MCTP1: variants seen among roughly 807,000 people sequenced by gnomAD.
The protein encoded by MCTP1 is multiple C2 and transmembrane domain containing 1.
In MCTP1, 69 loss-of-function variants were observed where a neutral mutation model predicts 120.6. The observed-to-expected ratio is 0.57, with a 90% CI of 0.47 to 0.70. The LOEUF (loss-of-function observed/expected upper bound fraction) is 0.70, where lower values mean the gene tolerates loss of function less well. MCTP1 is among the 30% of genes least tolerant of loss of function. The pLI is 0.00. For synonymous variants in MCTP1, 529 were observed against 493.1 expected (o/e 1.07, Z -0.96); for missense variants, 1,203 against 1,248.8 (o/e 0.96, Z 0.55).
chr5:94,808,604 A>G (rs1782825440), intron 17 of MCTP1, among the ~76,000 whole-genome samples: 2 of 152,136 alleles, frequency 1.3e-5, no homozygotes, highest in African/African-American at 4.8e-5. Context: ...CCAAACTGAC[A>G]AGACTTGATC....
chr5:94,977,268 G>T (rs1828326301), intron 2 of MCTP1, among the ~76,000 whole-genome samples: 1 of 151,770 alleles, frequency 6.6e-6, no homozygotes, highest in South Asian at 2.1e-4. Flanking sequence ...CAACTAAGAA[G>T]GTAAAAGACT....
intron 3 of MCTP1, among the ~76,000 whole-genome samples, chr5:94,950,746 G>T (rs1173416223): frequency 1.3e-5 from 2 of 151,992 alleles, no homozygotes; most frequent in African/African-American, 4.8e-5. Flanking sequence ...GAGATCAGGA[G>T]ATCGAGACCA....
chr5:95,193,372 C>G (rs1013074624), intron 1 of MCTP1, among the ~76,000 whole-genome samples: 1 of 152,056 alleles, frequency 6.6e-6, no homozygotes. Context: ...TTTCTATTTA[C>G]AACATACTTT....
chr5:95,132,091 C>G (rs1181752183), intron 1 of MCTP1, among the ~76,000 whole-genome samples: 2 of 152,116 alleles, frequency 1.3e-5, no homozygotes, highest in African/African-American at 2.4e-5. Flanking sequence ...TGGCTTTTAG[C>G]TCTTTTCTCA....
At chr5:95,030,477 G>A (rs141324239) in intron 1 of MCTP1, among the ~76,000 whole-genome samples, 1 of 152,280 alleles carries the variant, frequency 6.6e-6, no homozygotes, top group Non-Finnish European at 1.5e-5. Flanking sequence ...CCCACAGGAG[G>A]TCATATGTTG....
chr5:95,080,645 T>G (rs1180816475), intron 1 of MCTP1, among the ~76,000 whole-genome samples: 1 of 152,182 alleles, frequency 6.6e-6, no homozygotes, highest in Non-Finnish European at 1.5e-5. Context: ...AAACACTGAT[T>G]TGATGTTATT....
chr5:95,072,763 T>TTTGG (rs1240813818), intron 1 of MCTP1, among the ~76,000 whole-genome samples: 1 of 147,916 alleles, frequency 6.8e-6, no homozygotes, highest in African/African-American at 2.5e-5. Context: ...TTTTTTTTTT[T>TTTGG]GAGATGGAGT....
At position 95,284,715 on chromosome 5, in the gene MCTP1, C is replaced by G; in HGVS notation, c.-140G>C. ...GCGGCGGCGGGCGCAGCAGCAGAAA[C>G]CGGGAGTGCCCAGCGACTTCAGGCC... On this transcript the variant is annotated 5_prime_UTR_variant, in exon 1 of 23. Coordinates refer to ENST00000515393, the MANE Select transcript of MCTP1 (RefSeq NM_024717.7). The surrounding 1 kb of genome is among the most constrained non-coding windows in gnomAD (Gnocchi z 5.2). The G allele has an allele frequency of 1.5e-6, 1 of 665,800 alleles. No homozygotes were observed. Among genetic ancestry groups the G allele is most frequent in the Non-Finnish European group, 2.3e-6 (1 of 431,620 alleles). 41.2% of individuals were successfully genotyped at this position (665,800 alleles called of 1,614,324 possible).
rs141206264 is a variant in MCTP1 at position 94,857,452 on chromosome 5, T to G, written c.2436+10881A>C. ...AACAGAACCCAAGTCTTATTAAATA[T>G]GCCTTCAGTGCCTTTGGAGAGCCAT... On this transcript the variant is annotated intron_variant, in intron 17 of 22. Transcript: ENST00000515393. Among the ~76,000 whole-genome samples the G allele has an allele frequency of 2.8e-3, 432 of 151,822 alleles. 2 individuals are homozygous for G. The highest frequency in any genetic ancestry group is 9.4e-3 in the African/African-American group (391 of 41,510).
At chr5:95,225,585 A>C (rs745557611) in intron 1 of MCTP1, among the ~76,000 whole-genome samples, 4 of 152,200 alleles carry the variant, frequency 2.6e-5, no homozygotes, top group African/African-American at 4.8e-5. Context: ...GATTCCAAGA[A>C]TGGTCAATGT....
chr5:95,014,372 G>C (rs1445062303), intron 2 of MCTP1, among the ~76,000 whole-genome samples: 1 of 152,138 alleles, frequency 6.6e-6, no homozygotes, highest in Non-Finnish European at 1.5e-5. Flanking sequence ...TTGAGGGTTT[G>C]AGGGGTTCAA....
At chr5:95,236,723 G>A (rs897166530) in intron 1 of MCTP1, among the ~76,000 whole-genome samples, 6 of 152,014 alleles carry the variant, frequency 3.9e-5, no homozygotes, top group African/African-American at 1.2e-4. Flanking sequence ...GTCTCCCTCC[G>A]AAAAATCACA....
chr5:94,715,363 CAAAAAAAAAAAAAAA>C (rs35567390), intron 19 of MCTP1, among the ~76,000 whole-genome samples: 1 of 70,526 alleles, frequency 1.4e-5, no homozygotes, highest in Non-Finnish European at 2.6e-5. Flanking sequence ...ATGAAAACTA[CAAAAAAAAAAAAAAA>C]AAAAAAAAAA....
intron 1 of MCTP1, chr5:95,081,437 T>G: frequency 6.2e-7 from 1 of 1,611,618 alleles, no homozygotes; most frequent in Non-Finnish European, 8.5e-7. Flanking sequence ...TTATTACAAA[T>G]AAATGGCAAA....
intron 1 of MCTP1, among the ~76,000 whole-genome samples, chr5:95,160,253 CA>C (rs1199422734): frequency 6.6e-6 from 1 of 152,004 alleles, no homozygotes; most frequent in Non-Finnish European, 1.5e-5. Context: ...AAGATTTGAA[CA>C]AAAATACTGG....
At chr5:94,725,896 G>A (rs971002331) in intron 19 of MCTP1, among the ~76,000 whole-genome samples, 3 of 152,066 alleles carry the variant, frequency 2.0e-5, no homozygotes, top group Admixed American at 6.6e-5. Context: ...AATATTAGTC[G>A]TTAATATTAT....
intron 8 of MCTP1, among the ~76,000 whole-genome samples, 166 bp from the exon 9 acceptor site, chr5:94,913,142 T>C (rs1404367726): frequency 6.6e-6 from 1 of 151,894 alleles, no homozygotes; most frequent in Non-Finnish European, 1.5e-5. Context: ...ATAAAATTAA[T>C]AAATTATGAA....
At chr5:95,037,075 C>T (rs1384556139) in intron 1 of MCTP1, among the ~76,000 whole-genome samples, 2 of 152,194 alleles carry the variant, frequency 1.3e-5, no homozygotes, top group African/African-American at 4.8e-5. Flanking sequence ...AAAAACATGA[C>T]AACAGGAGTT....
At chr5:94,898,502 T>C (rs1420883234) in intron 10 of MCTP1, among the ~76,000 whole-genome samples, 2 of 152,228 alleles carry the variant, frequency 1.3e-5, no homozygotes, top group African/African-American at 4.8e-5. Context: ...TCTTCCAACA[T>C]AGTCTGGTGC....
Sources: allele counts gnomAD v4.1 joint callset (sites outside exome capture counted in the v4.1 genomes callset), GRCh38; gene constraint gnomAD v4.1.1; non-coding constraint Gnocchi (gnomAD v3.1); transcripts MANE v1.5; gene names NCBI Gene and HGNC (gene_info 2026-07-23, HGNC 2026-07-21).